The following BTNL9 variants were observed in gnomAD, a reference collection of about 807,000 sequenced individuals.
BTNL9 encodes butyrophilin like 9.
BTNL9 carries 45 observed loss-of-function variants against 45.8 expected under a neutral mutation model. That is an observed-to-expected ratio of 0.98 (90% CI 0.77 to 1.26). The LOEUF is 1.26. Among genes scored for constraint, BTNL9 ranks in the 50% most tolerant of loss-of-function variants. The probability of loss-of-function intolerance (pLI) is 0.00; values close to 1 mark genes in which losing one functional copy is unlikely to be tolerated. For synonymous variants in BTNL9, 346 were observed against 330.8 expected (o/e 1.05, Z -0.50); for missense variants, 784 against 729.7 (o/e 1.07, Z -0.86).
In BTNL9 at chr5:181,055,473, A is replaced by C. The variant is rs770978988; in HGVS notation, c.928+20A>C. On this transcript the variant is annotated intron_variant, in intron 8 of 10. Transcript: ENST00000327705. This position sits in a 1 kb window ranked among gnomAD's most constrained non-coding sequence, Gnocchi z 4.4. ...AGCTTGGTAAGTGACCCCTCTTAGA[A>C]CTATTTCTCCTCAGGGCCGGGTCCA... is the stretch of plus-strand genomic sequence containing the variant. 2 of 1,614,042 alleles carry C rather than the reference A, an allele frequency of 1.2e-6. No homozygotes were observed. Among genetic ancestry groups the C allele is most frequent in the South Asian group, 2.2e-5 (2 of 91,080 alleles).
rs957061223 is a variant in BTNL9 at position 181,053,385 on chromosome 5, C to G, written c.853+69C>G. ...CTGAACCCCGGGGCCGCGGAGGCGC[C>G]TCCCCCCAGGACGCGGCGCGGGAAG... On this transcript the variant is annotated intron_variant, in intron 5 of 10. Transcript: ENST00000327705. This position sits in a 1 kb window ranked among gnomAD's most constrained non-coding sequence, Gnocchi z 6.5. 133 of 1,518,898 alleles carry G rather than the reference C, an allele frequency of 8.8e-5. No individual in the cohort carries two copies. The highest frequency in any genetic ancestry group is 1.1e-4 in the Non-Finnish European group (125 of 1,132,874). The allele number at this position is 1,518,898 out of a possible 1,614,324, so 94.1% of individuals were successfully genotyped here. A position where few individuals can be genotyped will look rare whatever the true frequency, so the allele number is the denominator to read the frequency against.
At position 181,047,968 on chromosome 5, in the gene BTNL9, G is replaced by A. The variant is rs376613687; in HGVS notation, c.151G>A (p.Val51Ile). The A allele has an allele frequency of 1.4e-5, 22 of 1,613,764 alleles. No individual in the cohort carries two copies. The highest frequency in any genetic ancestry group is 5.3e-5 in the African/African-American group (4 of 74,926). The change falls in exon 3 of 11, where the codon GTC (valine) becomes ATC (isoleucine). Residue 51 changes from valine (V) to isoleucine (I), a missense_variant. Val to Ile is a conservative substitution (Grantham distance 29). Coordinates refer to ENST00000327705, the MANE Select transcript of BTNL9 (RefSeq NM_152547.5). ...LGPEYPILALVGEEVEFPCHL... is the reference protein window; with the variant it reads ...LGPEYPILALIGEEVEFPCHL... The stretch of plus-strand genomic sequence containing the variant: ...CCCTGAGTATCCCATCCTGGCCCTC[G>A]TCGGGGAGGAGGTGGAGTTCCCGTG...
At position 181,059,939 on chromosome 5, in the gene BTNL9, C is replaced by G; in HGVS notation, c.*77C>G. ...CCAGCGCTTTGCTCTCCTGCTCCGT[C>G]TGAAGGGAGCAGGTGCACCAGCCAA... On this transcript the variant is annotated 3_prime_UTR_variant, in exon 11 of 11. Coordinates refer to ENST00000327705, the MANE Select transcript of BTNL9 (RefSeq NM_152547.5). The G allele has an allele frequency of 7.7e-7, 1 of 1,303,456 alleles. No individual in the cohort carries two copies. Among genetic ancestry groups the G allele is most frequent in the Admixed American group, 2.7e-5 (1 of 36,450 alleles). The allele number at this position is 1,303,456 out of a possible 1,614,324, so 80.7% of individuals were successfully genotyped here.
chr5:181,057,165 A>G (rs886375580), intron 9 of BTNL9: 3 of 152,196 alleles, frequency 2.0e-5, no homozygotes, highest in Non-Finnish European at 4.4e-5. Flanking sequence ...AACATAATCC[A>G]TCAACTTTTT....
Position 181,059,685 on chromosome 5 carries a change from CT to C in BTNL9, c.1433del (p.Phe478SerfsTer23). The C allele has an allele frequency of 6.2e-7, 1 of 1,613,714 alleles. No homozygotes were observed. On this transcript the variant is annotated frameshift_variant, in exon 11 of 11. Transcript: ENST00000327705. LOFTEE classifies it low-confidence loss of function (END_TRUNC). ...CCCACATCTTCACCTTCCACGACAC[CT>C]TCTCGGGCGCGCTCTGTGCGTACTT... Reference protein sequence around the residue: ...GSHIFTFHDTFSGALCAYFRP... With the variant: ...GSHIFTFHDTXSGALCAYFRP...
At chr5:181,054,847 G>A (rs1761792795) in intron 7 of BTNL9, 1 of 985,412 alleles carries the variant, frequency 1.0e-6, no homozygotes, top group Non-Finnish European at 1.2e-6. Flanking sequence ...GCCCTAATAA[G>A]TCATTAAGGC....
At chr5:181,045,041 G>C (rs1761017929) in intron 1 of BTNL9, among the ~76,000 whole-genome samples, 1 of 152,218 alleles carries the variant, frequency 6.6e-6, no homozygotes, top group Non-Finnish European at 1.5e-5. Flanking sequence ...ACGAAGGTTG[G>C]GTTGGTGGTG....
At chr5:181,048,552 C>T (rs1414594118) in intron 3 of BTNL9, among the ~76,000 whole-genome samples, 2 of 151,248 alleles carry the variant, frequency 1.3e-5, no homozygotes, top group Non-Finnish European at 2.9e-5. Context: ...CTCCAGAGTT[C>T]GAGACCAGCC....
chr5:181,059,720 G>C lies in BTNL9; in HGVS notation c.1466G>C (p.Arg489Thr), dbSNP rs745753431. Residue 489 changes from arginine (R) to threonine (T), a missense_variant, in exon 11 of 11, where the codon AGG becomes ACG. By Grantham distance (71) the Arg-to-Thr change is moderately conservative (BLOSUM62 -1). Transcript: ENST00000327705. The part of the protein sequence containing the change: ...SGALCAYFRP[R>T]AHDGGEHPDP... The stretch of plus-strand genomic sequence containing the variant: ...GCGCTCTGTGCGTACTTCAGGCCCA[G>C]GGCCCACGACGGCGGCGAACATCCG... 31 of 1,613,336 alleles carry C rather than the reference G, an allele frequency of 1.9e-5. No homozygotes were observed. The highest frequency in any genetic ancestry group is 2.5e-5 in the Non-Finnish European group (30 of 1,179,972).
chr5:181,054,004 A>G, intron 6 of BTNL9: 1 of 1,538,362 alleles, frequency 6.5e-7, no homozygotes, highest in Non-Finnish European at 8.7e-7. Context: ...TCACACTAGC[A>G]GGAGGGAGGG....
At chr5:181,059,006 C>A in intron 10 of BTNL9, 2 of 295,078 alleles carry the variant, frequency 6.8e-6, no homozygotes, top group Non-Finnish European at 1.0e-5. Context: ...AATTCAGGGA[C>A]CTTCCAGTTC....
At position 181,059,475 on chromosome 5, in the gene BTNL9, C is replaced by T; in HGVS notation, c.1221C>T (p.Arg407=). The part of the protein sequence containing the change: ...FLGACLAAVP[R]AGPARLSPAA... ...GCGCCTGCCTGGCCGCGGTGCCGCG[C>T]GCGGGGCCTGCGCGCCTGAGCCCTG... The change falls in exon 11 of 11, where the codon CGC becomes CGT. Residue 407 remains arginine, a synonymous_variant. Transcript: ENST00000327705. 1 of 1,453,788 alleles carries T rather than the reference C, an allele frequency of 6.9e-7. No homozygotes were observed. The highest frequency in any genetic ancestry group is 9.0e-7 in the Non-Finnish European group (1 of 1,110,362). The allele number at this position is 1,453,788 out of a possible 1,614,324, so 90.1% of individuals were successfully genotyped here. A position where few individuals can be genotyped will look rare whatever the true frequency, so the allele number is the denominator to read the frequency against.
chr5:181,053,754 A>G lies in BTNL9; in HGVS notation c.886+253A>G. On this transcript the variant is annotated intron_variant, in intron 6 of 10. Coordinates refer to ENST00000327705, the MANE Select transcript of BTNL9 (RefSeq NM_152547.5). The surrounding 1 kb of genome is among the most constrained non-coding windows in gnomAD (Gnocchi z 6.5). Reference sequence around the variant, plus strand: ...TCAGGGTTGACCGGCTGCTGTCGTTACGCCCTCGGAGCTTCACATCACACT... The same window carrying G: ...TCAGGGTTGACCGGCTGCTGTCGTTGCGCCCTCGGAGCTTCACATCACACT... The G allele has an allele frequency of 6.6e-7, 1 of 1,513,186 alleles. No homozygotes were observed. The highest frequency in any genetic ancestry group is 2.5e-5 in the East Asian group (1 of 40,326). 93.7% of individuals were successfully genotyped at this position (1,513,186 alleles called of 1,614,324 possible). A position where few individuals can be genotyped will look rare whatever the true frequency, so the allele number is the denominator to read the frequency against.
chr5:181,054,922 G>T (rs1761796095), intron 7 of BTNL9: 1 of 985,362 alleles, frequency 1.0e-6, no homozygotes, highest in Non-Finnish European at 1.2e-6. Flanking sequence ...ATTTACTTTT[G>T]AAAGAGCTTG....
rs752201567 is a variant in BTNL9, at chr5:181,045,543, C to G, written c.54C>G (p.Ser18Arg). 6.2e-7 allele frequency: 1 copy of G among 1,612,858 alleles called. No homozygotes were observed. Among genetic ancestry groups the G allele is most frequent in the South Asian group, 1.1e-5 (1 of 91,082 alleles). ...PDSLKPVSLT[S>R]SLVFLMHLLL... ...CCTTGAAGCCAGTATCGCTGACCAG[C>G]AGTCTTGTCTTCCTCATGCACCTCC... Residue 18 changes from serine to arginine, a missense_variant, in exon 2 of 11, where the codon AGC (serine) becomes AGG (arginine). Transcript: ENST00000327705.
Position 181,056,029 on chromosome 5 carries a change from ATCTC to A in BTNL9, c.955+20_955+23del, listed in dbSNP as rs760692768. 3.7e-5 allele frequency: 60 copies of A among 1,613,998 alleles called. No individual in the cohort carries two copies. The African/African-American group carries it at 6.9e-4, about 19-fold the overall frequency. The stretch of plus-strand genomic sequence containing the variant: ...AAGGCCAGGCTGGTGAGTGGAACCC[ATCTC>A]TCTCTGACTCCTCCTCATTTATATC... On this transcript the variant is annotated intron_variant, in intron 9 of 10. Coordinates refer to ENST00000327705, the MANE Select transcript of BTNL9 (RefSeq NM_152547.5).
chr5:181,052,187 A>C (rs1761575303), intron 4 of BTNL9, among the ~76,000 whole-genome samples: 1 of 152,146 alleles, frequency 6.6e-6, no homozygotes, highest in Admixed American at 6.5e-5. Flanking sequence ...AAAATTAAAA[A>C]CCACAGTCCA....
intron 4 of BTNL9, among the ~76,000 whole-genome samples, chr5:181,052,282 A>G (rs1761581682): frequency 6.6e-6 from 1 of 152,184 alleles, no homozygotes; most frequent in African/African-American, 2.4e-5. Flanking sequence ...TCAAGTCCAC[A>G]GGGATGGAGA....
intron 1 of BTNL9, among the ~76,000 whole-genome samples, chr5:181,044,730 G>C (rs1411660815): frequency 3.3e-5 from 5 of 152,224 alleles, no homozygotes; most frequent in Non-Finnish European, 7.3e-5. Flanking sequence ...CAGAGCATCA[G>C]GAGTGAGGGG....
Sources: allele counts gnomAD v4.1 joint callset (sites outside exome capture counted in the v4.1 genomes callset), GRCh38; gene constraint gnomAD v4.1.1; non-coding constraint Gnocchi (gnomAD v3.1); transcripts MANE v1.5; gene names NCBI Gene and HGNC (gene_info 2026-07-23, HGNC 2026-07-21).